The following UBR3 variants were observed in gnomAD, a reference collection of about 807,000 sequenced individuals.
UBR3 encodes the protein E3 ubiquitin-protein ligase UBR3.
A neutral mutation model predicts 243.2 loss-of-function variants in UBR3; 85 were observed. The observed-to-expected ratio is 0.35, with a 90% CI of 0.29 to 0.42. UBR3 has a LOEUF of 0.42. UBR3 is among the 10% of genes least tolerant of loss of function. UBR3 has a pLI of 1.00. For synonymous variants in UBR3, 748 were observed against 799.8 expected, an observed-to-expected ratio of 0.94 and a Z score of 1.09; for missense variants, 1,686 against 2,300.8, an observed-to-expected ratio of 0.73 and a Z score of 5.47.
chr2:169,966,272 T>C (rs1177297722), intron 24 of UBR3, among the ~76,000 whole-genome samples: 3 of 152,196 alleles, frequency 2.0e-5, no homozygotes, highest in Non-Finnish European at 4.4e-5. Context: ...CAGATAGGTA[T>C]AGCTGAAATG....
At chr2:169,929,222 A>T (rs954866548) in intron 18 of UBR3, among the ~76,000 whole-genome samples, 5 of 152,212 alleles carry the variant, frequency 3.3e-5, no homozygotes, top group Non-Finnish European at 7.3e-5. Flanking sequence ...TCCAAATTTG[A>T]TTTTGAAACA....
intron 30 of UBR3, among the ~76,000 whole-genome samples, chr2:170,016,264 A>G (rs1159105882): frequency 1.3e-5 from 2 of 151,922 alleles, no homozygotes; most frequent in Non-Finnish European, 2.9e-5. Flanking sequence ...TCTAACATAA[A>G]AGCAAACTTA....
intron 35 of UBR3, among the ~76,000 whole-genome samples, chr2:170,066,721 C>T (rs879530530): frequency 2.3e-4 from 35 of 152,098 alleles, no homozygotes; most frequent in African/African-American, 8.2e-4. Flanking sequence ...AATCCCAGCA[C>T]TTTGGGAGGC....
chr2:169,977,332 A>G (rs1248418332), intron 24 of UBR3, among the ~76,000 whole-genome samples: 1 of 152,168 alleles, frequency 6.6e-6, no homozygotes, highest in Non-Finnish European at 1.5e-5. Flanking sequence ...AAGGGAGTTT[A>G]CTGGGGAGAA....
At chr2:169,949,570 C>G (rs1445894295) in intron 22 of UBR3, 35 bp from the exon 23 acceptor site, 12 of 1,471,366 alleles carry the variant, frequency 8.2e-6, no homozygotes, top group Admixed American at 8.0e-5. Context: ...AATAACTTCT[C>G]TTGATTTTTC....
At chr2:169,959,757 G>A (rs983256036) in intron 24 of UBR3, among the ~76,000 whole-genome samples, 11 of 152,004 alleles carry the variant, frequency 7.2e-5, no homozygotes, top group Non-Finnish European at 8.8e-5. Flanking sequence ...ACAGTACCCG[G>A]TCTGAGGCTG....
chr2:170,043,533 T>C (rs187844216), intron 32 of UBR3, among the ~76,000 whole-genome samples: 7 of 152,298 alleles, frequency 4.6e-5, no homozygotes, highest in Admixed American at 2.0e-4. Flanking sequence ...AATGTAAAAA[T>C]GTATAATATT....
At chr2:169,843,907 A>G (rs1013880480) in intron 1 of UBR3, among the ~76,000 whole-genome samples, 2 of 152,164 alleles carry the variant, frequency 1.3e-5, no homozygotes, top group Non-Finnish European at 2.9e-5. Context: ...TGTCCGTGAA[A>G]CAATCTAGGT....
chr2:169,961,292 C>T (rs1320962654), intron 24 of UBR3, among the ~76,000 whole-genome samples: 2 of 151,498 alleles, frequency 1.3e-5, no homozygotes, highest in East Asian at 1.9e-4. Context: ...TACATATTAA[C>T]GTCATCTTTT....
intron 24 of UBR3, among the ~76,000 whole-genome samples, chr2:169,967,801 AC>A (rs997095908): frequency 6.6e-5 from 10 of 152,108 alleles, no homozygotes; most frequent in Non-Finnish European, 1.2e-4. Flanking sequence ...ATAAGCAAAT[AC>A]CTATATATTT....
At chr2:169,943,442 A>T (rs1341212438) in intron 20 of UBR3, among the ~76,000 whole-genome samples, 1 of 152,024 alleles carries the variant, frequency 6.6e-6, no homozygotes, top group East Asian at 1.9e-4. Context: ...CTCTACTAAA[A>T]ATACAAAAAT....
intron 31 of UBR3, among the ~76,000 whole-genome samples, chr2:170,038,812 G>A (rs1240141830): frequency 6.6e-6 from 1 of 152,100 alleles, no homozygotes; most frequent in Non-Finnish European, 1.5e-5. Context: ...AAAGTATTAG[G>A]TTGGTGCATT....
chr2:169,830,467 T>C (rs544800184), intron 1 of UBR3, among the ~76,000 whole-genome samples: 27 of 152,258 alleles, frequency 1.8e-4, no homozygotes, highest in African/African-American at 6.5e-4. Flanking sequence ...ATTATTACTT[T>C]TATTATTCTC....
intron 24 of UBR3, among the ~76,000 whole-genome samples, chr2:169,985,224 CTTTT>C (rs71006060): frequency 8.8e-6 from 1 of 113,118 alleles, no homozygotes; most frequent in Non-Finnish European, 1.8e-5. Flanking sequence ...CAACTCTTTT[CTTTT>C]TTTTTTTTTT....
At chr2:169,907,042 T>TC (rs2085040887) in intron 10 of UBR3, among the ~76,000 whole-genome samples, 1 of 147,656 alleles carries the variant, frequency 6.8e-6, no homozygotes, top group Admixed American at 6.7e-5. Context: ...CTTTCTTTTT[T>TC]TTTTTTTTTT....
chr2:169,867,005 A>G (rs965131042), intron 1 of UBR3, among the ~76,000 whole-genome samples: 1 of 152,260 alleles, frequency 6.6e-6, no homozygotes, highest in Non-Finnish European at 1.5e-5. Flanking sequence ...GGGTCCTTGA[A>G]GCAAAAAAGA....
chr2:169,899,727 A>G (rs1370180923), intron 8 of UBR3, among the ~76,000 whole-genome samples: 3 of 151,324 alleles, frequency 2.0e-5, no homozygotes, highest in African/African-American at 7.3e-5. Context: ...TTCAACTCCC[A>G]CTTATGAGTG....
At chr2:169,988,048 G>T (rs1166170001) in intron 25 of UBR3, among the ~76,000 whole-genome samples, 1 of 152,186 alleles carries the variant, frequency 6.6e-6, no homozygotes, top group Non-Finnish European at 1.5e-5. Flanking sequence ...TCTTGATTTA[G>T]TGGGACATTG....
At chr2:169,872,454 AT>A in intron 2 of UBR3, 79 bp downstream of exon 2, 3 of 1,012,132 alleles carry the variant, frequency 3.0e-6, no homozygotes, top group African/African-American at 1.7e-5. Flanking sequence ...TATGAGGTGA[AT>A]TTTTTTAGAT....
Sources: allele counts gnomAD v4.1 joint callset (sites outside exome capture counted in the v4.1 genomes callset), GRCh38; gene constraint gnomAD v4.1.1; transcripts MANE v1.5; gene names NCBI Gene and HGNC (gene_info 2026-07-23, HGNC 2026-07-21).